The following ATP8A2 variants were observed in gnomAD, a reference collection of about 807,000 sequenced individuals.
ATP8A2 encodes the protein ATPase phospholipid transporting 8A2.
ATP8A2 carries 100 observed loss-of-function variants against 165.6 expected under a neutral mutation model. The observed-to-expected ratio is 0.60, with a 90% CI of 0.51 to 0.71. ATP8A2 has a LOEUF of 0.71. Ranked by LOEUF, ATP8A2 falls within the 30% of genes least tolerant of loss-of-function variation. ATP8A2 has a pLI of 0.00. For missense variants in ATP8A2, 1,227 were observed against 1,479.5 expected (o/e 0.83, Z 2.80); for synonymous variants, 543 against 548.8 (o/e 0.99, Z 0.15).
intron 1 of ATP8A2, among the ~76,000 whole-genome samples, chr13:25,448,108 T>A (rs547419762): frequency 6.6e-6 from 1 of 152,218 alleles, no homozygotes; most frequent in Non-Finnish European, 1.5e-5. Context: ...TTTAGGGCCA[T>A]GGGTCCAGGC....
In ATP8A2 at chr13:25,372,228, G is replaced by A; in HGVS notation, c.16G>A (p.Gly6Ser). The part of the protein sequence containing the change: MLNGA[G>S]LDKALKMSLP... ...CACGGGCGAGATGCTGAACGGCGCAGGCCTGGACAAAGCTCTTAAGATGTC... is the reference window on the plus strand; with the variant it reads ...CACGGGCGAGATGCTGAACGGCGCAAGCCTGGACAAAGCTCTTAAGATGTC... Residue 6 changes from glycine (G) to serine (S), a missense_variant, in exon 1 of 37, where the codon GGC (glycine) becomes AGC (serine). Gly to Ser is a moderately conservative substitution (Grantham distance 56). Coordinates refer to ENST00000381655, the MANE Select transcript of ATP8A2 (RefSeq NM_016529.6). This position sits in a 1 kb window ranked among gnomAD's most constrained non-coding sequence, Gnocchi z 4.8. 6.8e-7 allele frequency: 1 copy of A among 1,478,996 alleles called. No homozygotes were observed. The allele number at this position is 1,478,996 out of a possible 1,614,324, so 91.6% of individuals were successfully genotyped here.
chr13:25,406,050 A>G (rs186278069), intron 1 of ATP8A2, among the ~76,000 whole-genome samples: 55 of 152,364 alleles, frequency 3.6e-4, no homozygotes, highest in Admixed American at 9.8e-4. Flanking sequence ...AAAGATGGGT[A>G]AATCAAGAGT....
At chr13:25,991,683 T>C (rs1001912124) in intron 35 of ATP8A2, among the ~76,000 whole-genome samples, 6 of 152,240 alleles carry the variant, frequency 3.9e-5, no homozygotes, top group Non-Finnish European at 8.8e-5. Flanking sequence ...AGTTTCTTCC[T>C]GTTTACTGCT....
At chr13:25,893,739 C>A (rs1303877310) in intron 33 of ATP8A2, among the ~76,000 whole-genome samples, 3 of 152,110 alleles carry the variant, frequency 2.0e-5, no homozygotes, top group Admixed American at 6.5e-5. Context: ...GAATGATCAC[C>A]ATTCTAACTG....
chr13:25,433,462 G>A (rs1053380958), intron 1 of ATP8A2, among the ~76,000 whole-genome samples: 15 of 152,116 alleles, frequency 9.9e-5, no homozygotes, highest in East Asian at 3.9e-4. Context: ...CTGTAGAGAC[G>A]GGGGTCTTGC....
chr13:25,454,661 C>T (rs1456591582), intron 1 of ATP8A2, among the ~76,000 whole-genome samples: 6 of 152,162 alleles, frequency 3.9e-5, no homozygotes, highest in South Asian at 2.1e-4. Flanking sequence ...CGGTGGCTCA[C>T]GCCTGTAATC....
At position 25,377,477 on chromosome 13, in the gene ATP8A2, C is replaced by T. The variant is rs543912456; in HGVS notation, c.76+5189C>T. Among the ~76,000 whole-genome samples the T allele has an allele frequency of 1.4e-3, 219 of 152,246 alleles. 1 individual carries two copies. Among genetic ancestry groups the T allele is most frequent in the African/African-American group, 5.0e-3 (208 of 41,544 alleles). On this transcript the variant is annotated intron_variant, in intron 1 of 36. Coordinates refer to ENST00000381655, the MANE Select transcript of ATP8A2 (RefSeq NM_016529.6). The stretch of plus-strand genomic sequence containing the variant: ...GGACCTGTCACACCCCAGTGGCTGC[C>T]TGGGTCTGCCTGCATAGATCTGTCG...
In ATP8A2 at chr13:25,871,392, C is replaced by T. The variant is rs536111053; in HGVS notation, c.3183+8984C>T. 3.3e-5 allele frequency among the ~76,000 whole-genome samples: 5 copies of T among 152,194 alleles called. No homozygotes were observed. The East Asian group carries it at 5.8e-4, about 18-fold the overall frequency. Reference sequence around the variant, plus strand: ...AGAGGGAGGTGGCCTTGTCTGATGACTGGAGGTTATCATCATCACAGTTCC... The same window carrying T: ...AGAGGGAGGTGGCCTTGTCTGATGATTGGAGGTTATCATCATCACAGTTCC... On this transcript the variant is annotated intron_variant, in intron 33 of 36. Coordinates refer to ENST00000381655, the MANE Select transcript of ATP8A2 (RefSeq NM_016529.6).
intron 16 of ATP8A2, among the ~76,000 whole-genome samples, chr13:25,565,651 T>A (rs552254056): frequency 6.6e-6 from 1 of 152,366 alleles, no homozygotes; most frequent in African/African-American, 2.4e-5. Flanking sequence ...ATGCATAGAT[T>A]GTGAAGATTT....
chr13:25,421,593 C>G (rs2034301174), intron 1 of ATP8A2, among the ~76,000 whole-genome samples: 1 of 152,246 alleles, frequency 6.6e-6, no homozygotes, highest in African/African-American at 2.4e-5. Context: ...CCTCAGCCTC[C>G]CAAGGACTGG....
In ATP8A2 at chr13:26,025,709, T is replaced by C. The variant is rs1024263779; in HGVS notation, c.*5724T>C. ...GCACATTACAGTGCACTGGGTTCCCTCCTGGAGTGAATACAAACGGAGGGC... is the reference window on the plus strand; with the variant it reads ...GCACATTACAGTGCACTGGGTTCCCCCCTGGAGTGAATACAAACGGAGGGC... On this transcript the variant is annotated 3_prime_UTR_variant, in exon 37 of 37. Transcript: ENST00000381655. The C allele has an allele frequency of 2.0e-5, 3 of 152,196 alleles. No individual in the cohort carries two copies. The highest frequency in any genetic ancestry group is 7.2e-5 in the African/African-American group (3 of 41,454). 9.4% of individuals were successfully genotyped at this position (152,196 alleles called of 1,614,324 possible). A position where few individuals can be genotyped will look rare whatever the true frequency, so the allele number is the denominator to read the frequency against.
intron 33 of ATP8A2, among the ~76,000 whole-genome samples, chr13:25,918,780 A>G (rs150411205): frequency 1.8e-4 from 27 of 152,254 alleles, no homozygotes; most frequent in African/African-American, 6.3e-4. Context: ...GATCCTGGTT[A>G]TTTCATTTCA....
intron 24 of ATP8A2, among the ~76,000 whole-genome samples, chr13:25,673,148 C>T (rs2042301498): frequency 6.6e-6 from 1 of 152,172 alleles, no homozygotes; most frequent in African/African-American, 2.4e-5. Context: ...TCTTTCCTAC[C>T]ATGATGGACA....
At chr13:25,387,064 T>C (rs1004102820) in intron 1 of ATP8A2, among the ~76,000 whole-genome samples, 11 of 152,186 alleles carry the variant, frequency 7.2e-5, no homozygotes, top group Non-Finnish European at 1.2e-4. Flanking sequence ...TTTCTGAAGA[T>C]AATTTTCCCA....
intron 24 of ATP8A2, among the ~76,000 whole-genome samples, chr13:25,680,941 G>C (rs949708870): frequency 6.6e-6 from 1 of 152,130 alleles, no homozygotes; most frequent in Admixed American, 6.5e-5. Flanking sequence ...ATTGGGTCAA[G>C]GTGCTTCCCA....
At chr13:25,783,425 A>G (rs2044937754) in intron 27 of ATP8A2, among the ~76,000 whole-genome samples, 1 of 152,258 alleles carries the variant, frequency 6.6e-6, no homozygotes, top group African/African-American at 2.4e-5. Flanking sequence ...ATGCATGCTC[A>G]TTCTCCAAGT....
intron 13 of ATP8A2, among the ~76,000 whole-genome samples, chr13:25,557,679 A>G (rs930077501): frequency 6.6e-6 from 1 of 152,186 alleles, no homozygotes; most frequent in South Asian, 2.1e-4. Context: ...CACAGTGTGC[A>G]GTATATAATT....
intron 1 of ATP8A2, among the ~76,000 whole-genome samples, chr13:25,428,540 G>A (rs1029471846): frequency 6.6e-6 from 1 of 152,144 alleles, no homozygotes; most frequent in Non-Finnish European, 1.5e-5. Flanking sequence ...AAAGTGCTGT[G>A]GGACCACAGG....
At chr13:25,726,091 C>T (rs142516307) in intron 25 of ATP8A2, among the ~76,000 whole-genome samples, 5 of 152,170 alleles carry the variant, frequency 3.3e-5, no homozygotes, top group African/African-American at 1.2e-4. Flanking sequence ...CCGTTTGTTT[C>T]GAATGCATCA....
Sources: gnomAD v4.1 joint callset for allele counts (sites outside exome capture counted in the v4.1 genomes callset) on GRCh38, gnomAD v4.1.1 for gene constraint, Gnocchi (gnomAD v3.1) non-coding constraint, MANE v1.5 for transcripts, NCBI Gene and HGNC (gene_info 2026-07-23, HGNC 2026-07-21) for gene names.